PPM1E: variants seen among roughly 807,000 people sequenced by gnomAD.
PPM1E encodes the protein protein phosphatase, Mg2+/Mn2+ dependent 1E.
A neutral mutation model predicts 65.9 loss-of-function variants in PPM1E; 20 were observed. The ratio of observed to expected loss-of-function variants is 0.30; its 90% CI spans 0.21 to 0.44. The LOEUF is 0.44. PPM1E is among the 20% of genes least tolerant of loss of function. The probability of loss-of-function intolerance (pLI) is 1.00; values close to 1 mark genes in which losing one functional copy is unlikely to be tolerated. For synonymous variants in PPM1E, 352 were observed against 374.9 expected (o/e 0.94, Z 0.70); for missense variants, 713 against 953.1 (o/e 0.75, Z 3.32).
chr17:58,873,361 A>G (rs189273334), intron 1 of PPM1E, among the ~76,000 whole-genome samples: 1 of 152,134 alleles, frequency 6.6e-6, no homozygotes, highest in East Asian at 1.9e-4. Flanking sequence ...AAATGATCTC[A>G]GTTCCCAAGG....
chr17:58,814,307 A>C (rs1323272839), intron 1 of PPM1E, among the ~76,000 whole-genome samples: 1 of 152,196 alleles, frequency 6.6e-6, no homozygotes, highest in Non-Finnish European at 1.5e-5. Context: ...TTATTGAAGG[A>C]TAAAGGAGAA....
At chr17:58,852,728 C>T (rs749124730) in intron 1 of PPM1E, among the ~76,000 whole-genome samples, 7 of 151,644 alleles carry the variant, frequency 4.6e-5, no homozygotes, top group Admixed American at 1.3e-4. Context: ...CTCGGCCTCC[C>T]GAGTAGCTGG....
intron 1 of PPM1E, among the ~76,000 whole-genome samples, chr17:58,868,066 A>G (rs973211395): frequency 6.6e-6 from 1 of 152,180 alleles, no homozygotes. Flanking sequence ...GCAGTGGTTC[A>G]TGTCTATAAT....
At chr17:58,933,156 C>CT (rs2051925853) in intron 1 of PPM1E, among the ~76,000 whole-genome samples, 1 of 152,176 alleles carries the variant, frequency 6.6e-6, no homozygotes, top group Non-Finnish European at 1.5e-5. Flanking sequence ...CCTAATGATG[C>CT]TCTTCTCAGA....
At chr17:58,822,899 C>A (rs1383818047) in intron 1 of PPM1E, among the ~76,000 whole-genome samples, 4 of 152,100 alleles carry the variant, frequency 2.6e-5, no homozygotes, top group African/African-American at 9.7e-5. Flanking sequence ...GGGTCTGTGA[C>A]AACTGAAGCC....
intron 1 of PPM1E, among the ~76,000 whole-genome samples, chr17:58,928,532 C>T (rs2051852196): frequency 6.6e-6 from 1 of 152,028 alleles, no homozygotes; most frequent in African/African-American, 2.4e-5. Flanking sequence ...ACAACCAAAA[C>T]TCTATACATT....
chr17:58,764,544 TC>T (rs1182666594), intron 1 of PPM1E, among the ~76,000 whole-genome samples: 1 of 152,118 alleles, frequency 6.6e-6, no homozygotes, highest in African/African-American at 2.4e-5. Flanking sequence ...CAAGGGGTCA[TC>T]CTGCCTCAGC....
At chr17:58,765,713 T>C (rs2049867597) in intron 1 of PPM1E, among the ~76,000 whole-genome samples, 1 of 152,086 alleles carries the variant, frequency 6.6e-6, no homozygotes, top group South Asian at 2.1e-4. Context: ...AATAATCTCC[T>C]GGTTAGAAGT....
rs935848969 is a variant in PPM1E, at chr17:58,982,990, TAAAA to T, written c.*1966_*1969del. On this transcript the variant is annotated 3_prime_UTR_variant, in exon 7 of 7. Transcript: ENST00000308249. ...TTATAGTCCAAAGTGCTTAGCGAAGTAAAAAAAAAAGCTTTTTAAAATTTCTATT... is the reference window on the plus strand; with the variant it reads ...TTATAGTCCAAAGTGCTTAGCGAAGTAAAAAAGCTTTTTAAAATTTCTATT... 5 of 1,259,830 alleles carry T rather than the reference TAAAA, an allele frequency of 4.0e-6. No homozygotes were observed. Among genetic ancestry groups the T allele is most frequent in the African/African-American group, 3.1e-5 (2 of 64,026 alleles). The allele number at this position is 1,259,830 out of a possible 1,614,324, so 78.0% of individuals were successfully genotyped here.
At chr17:58,806,251 TC>T (rs2050313100) in intron 1 of PPM1E, among the ~76,000 whole-genome samples, 1 of 152,070 alleles carries the variant, frequency 6.6e-6, no homozygotes, top group Admixed American at 6.6e-5. Context: ...TGTTTTTTTT[TC>T]CTTCTTATCA....
chr17:58,832,367 TA>T (rs201237515), intron 1 of PPM1E, among the ~76,000 whole-genome samples: 1 of 150,906 alleles, frequency 6.6e-6, no homozygotes, highest in East Asian at 1.9e-4. Context: ...ATTGTTGTGA[TA>T]AAAAAAAATA....
intron 1 of PPM1E, among the ~76,000 whole-genome samples, chr17:58,913,745 C>T (rs1470835975): frequency 6.6e-6 from 1 of 152,142 alleles, no homozygotes; most frequent in African/African-American, 2.4e-5. Flanking sequence ...CCAGCTGAGC[C>T]AGCTTTACCT....
rs937397989 is a variant in PPM1E at position 58,972,423 on chromosome 17, T to C, written c.1116+148T>C. The C allele has an allele frequency of 1.4e-5, 12 of 850,844 alleles. No homozygotes were observed. In the African/African-American group the frequency reaches 1.9e-4, roughly 13 times the overall value. 52.7% of individuals were successfully genotyped at this position (850,844 alleles called of 1,614,324 possible). On this transcript the variant is annotated intron_variant, in intron 5 of 6. Transcript: ENST00000308249. ...TGGAGTGCAATGGTGTGATCTTGGC[T>C]CACTGCAACCTCCGCCTCCTGGGTT... is the stretch of plus-strand genomic sequence containing the variant.
At chr17:58,767,782 A>G (rs2049895813) in intron 1 of PPM1E, among the ~76,000 whole-genome samples, 1 of 152,030 alleles carries the variant, frequency 6.6e-6, no homozygotes, top group Admixed American at 6.6e-5. Context: ...AGCTGGGATT[A>G]CAGGCATGCA....
At chr17:58,793,622 C>T (rs577877526) in intron 1 of PPM1E, among the ~76,000 whole-genome samples, 9 of 152,066 alleles carry the variant, frequency 5.9e-5, no homozygotes, top group African/African-American at 2.2e-4. Flanking sequence ...TCCCAAAGTG[C>T]TGGGATTACA....
chr17:58,956,308 C>T (rs986047436), intron 2 of PPM1E, among the ~76,000 whole-genome samples: 5 of 151,946 alleles, frequency 3.3e-5, no homozygotes, highest in South Asian at 4.2e-4. Flanking sequence ...TAGTGGTGCA[C>T]ACCTGTGGTC....
At chr17:58,971,798 A>G (rs1054481767) in intron 4 of PPM1E, among the ~76,000 whole-genome samples, 7 of 152,230 alleles carry the variant, frequency 4.6e-5, no homozygotes, top group African/African-American at 1.7e-4. Flanking sequence ...ACTGGGAGGA[A>G]AAAGAATTTC....
chr17:58,859,905 C>T (rs550487642), intron 1 of PPM1E, among the ~76,000 whole-genome samples: 2 of 152,276 alleles, frequency 1.3e-5, no homozygotes, highest in South Asian at 4.1e-4. Flanking sequence ...CCTGATTCAT[C>T]TGGGATATAG....
intron 1 of PPM1E, among the ~76,000 whole-genome samples, chr17:58,758,365 T>TA (rs1483642268): frequency 6.6e-6 from 1 of 151,838 alleles, no homozygotes; most frequent in African/African-American, 2.4e-5. Context: ...GCGTCTCTAC[T>TA]AAAAATACAA....
Sources: gnomAD v4.1 joint callset for allele counts (sites outside exome capture counted in the v4.1 genomes callset) on GRCh38, gnomAD v4.1.1 for gene constraint, MANE v1.5 for transcripts, NCBI Gene and HGNC (gene_info 2026-07-23, HGNC 2026-07-21) for gene names.